Variants in DYNC2I2 observed in about 807,000 individuals in gnomAD.
The protein encoded by DYNC2I2 is cytoplasmic dynein 2 intermediate chain 2.
Under a neutral mutation model 52.0 loss-of-function variants are expected in DYNC2I2, and 39 were observed. That is an observed-to-expected ratio of 0.75 (90% CI 0.58 to 0.98). The LOEUF (loss-of-function observed/expected upper bound fraction) is 0.98. Among genes scored for constraint, DYNC2I2 ranks in the 50% least tolerant of loss-of-function variants. The probability of loss-of-function intolerance (pLI) is 0.00; values close to 1 mark genes in which losing one functional copy is unlikely to be tolerated. For synonymous variants in DYNC2I2, 359 were observed against 321.1 expected (o/e 1.12, Z -1.26); for missense variants, 743 against 728.4 (o/e 1.02, Z -0.23).
chr9:128,637,053 T>G lies in DYNC2I2; in HGVS notation c.436-26A>C, dbSNP rs1190536075. 3 of 1,580,980 alleles carry G rather than the reference T, an allele frequency of 1.9e-6. No homozygotes were observed. In the Admixed American group the frequency reaches 5.1e-5, roughly 27 times the overall value. ...CTGCGGAGACGTCCCCAACCCTGAG[T>G]CCAAAGCCACCAGCAGGGGCCTCAT... On this transcript the variant is annotated intron_variant, in intron 2 of 8. Coordinates refer to ENST00000372715, the MANE Select transcript of DYNC2I2 (RefSeq NM_052844.4).
intron 2 of DYNC2I2, among the ~76,000 whole-genome samples, chr9:128,640,001 C>T (rs910998770): frequency 1.6e-5 from 2 of 127,800 alleles, no homozygotes; most frequent in Admixed American, 9.0e-5. Context: ...GAAGATACCA[C>T]AGGAGACATT....
chr9:128,655,361 A>AAAAAAAAAAAAAG (rs1860798007), intron 1 of DYNC2I2, among the ~76,000 whole-genome samples: 1 of 133,228 alleles, frequency 7.5e-6, no homozygotes, highest in African/African-American at 2.9e-5. Flanking sequence ...AAAAAAAAAA[A>AAAAAAAAAAAAAG]TTAGCCGGGC....
the DYNC2I2 span, among the ~76,000 whole-genome samples, chr9:128,681,693 C>T: frequency 6.6e-6 from 1 of 152,226 alleles, no homozygotes; most frequent in Admixed American, 6.6e-5. Context: ...AGCTGTTGTG[C>T]TTTTGTTTTT....
At chr9:128,646,529 TAGA>T (rs1860620595) in intron 1 of DYNC2I2, among the ~76,000 whole-genome samples, 1 of 152,116 alleles carries the variant, frequency 6.6e-6, no homozygotes, top group South Asian at 2.1e-4. Flanking sequence ...GATGAAACAT[TAGA>T]AGGACATGCC....
At chr9:128,638,220 CAA>C (rs570370161) in intron 2 of DYNC2I2, among the ~76,000 whole-genome samples, 64 of 95,764 alleles carry the variant, frequency 6.7e-4, no homozygotes, top group Non-Finnish European at 5.5e-4. Flanking sequence ...GACCCTGTCT[CAA>C]AAAAAAAAAA....
chr9:128,647,148 A>G (rs1236714643), intron 1 of DYNC2I2, among the ~76,000 whole-genome samples: 1 of 152,160 alleles, frequency 6.6e-6, no homozygotes, highest in Non-Finnish European at 1.5e-5. Context: ...CACAAACAAA[A>G]AACAATAATA....
the DYNC2I2 span, among the ~76,000 whole-genome samples, chr9:128,669,350 G>T: frequency 6.6e-6 from 1 of 151,730 alleles, no homozygotes; most frequent in Non-Finnish European, 1.5e-5. Flanking sequence ...GGGCGACAGA[G>T]CGAGACTCTG....
chr9:128,655,067 TG>T (rs535225689), intron 1 of DYNC2I2, among the ~76,000 whole-genome samples: 197 of 152,018 alleles, frequency 1.3e-3, no homozygotes, highest in African/African-American at 4.5e-3. Context: ...GTGCTCAAGC[TG>T]AAAGTCCGCA....
At position 128,640,734 on chromosome 9, in the gene DYNC2I2, G is replaced by A. The variant is rs766392626; in HGVS notation, c.392C>T (p.Ala131Val). 6.4e-5 allele frequency: 104 copies of A among 1,614,076 alleles called. 1 individual carries two copies. The highest frequency in any genetic ancestry group is 5.3e-4 in the Admixed American group (32 of 60,004). Residue 131 changes from alanine to valine, a missense_variant, in exon 2 of 9, where the codon GCG becomes GTG. By Grantham distance (64) the Ala-to-Val change is moderately conservative (BLOSUM62 0). Coordinates refer to ENST00000372715, the MANE Select transcript of DYNC2I2 (RefSeq NM_052844.4). The part of the protein sequence containing the change: ...RELNKNWQSH[A>V]FDGFEVNWTE... Reference sequence around the variant, plus strand: ...CCAGTTCACCTCGAAGCCATCAAACGCGTGGCTCTGCCAATTCTTGTTCAG... The same window carrying A: ...CCAGTTCACCTCGAAGCCATCAAACACGTGGCTCTGCCAATTCTTGTTCAG...
upstream of DYNC2I2, among the ~76,000 whole-genome samples, chr9:128,659,321 C>A (rs1860890757): frequency 6.6e-6 from 1 of 151,382 alleles, no homozygotes; most frequent in African/African-American, 2.4e-5. Context: ...TGATGAAACC[C>A]CATCTCTACT....
intron 1 of DYNC2I2, among the ~76,000 whole-genome samples, chr9:128,649,562 G>A (rs902724940): frequency 4.6e-5 from 7 of 151,140 alleles, no homozygotes; most frequent in East Asian, 1.9e-4. Context: ...AGTGGGACGC[G>A]CCTGTAATTC....
chr9:128,676,723 C>A, the DYNC2I2 span, among the ~76,000 whole-genome samples: 2 of 151,564 alleles, frequency 1.3e-5, no homozygotes, highest in Non-Finnish European at 2.9e-5. Context: ...AGTAGAGACA[C>A]GGTTTTGCCA....
intron 1 of DYNC2I2, among the ~76,000 whole-genome samples, chr9:128,654,950 A>G (rs1860787669): frequency 6.6e-6 from 1 of 152,054 alleles, no homozygotes; most frequent in Non-Finnish European, 1.5e-5. Flanking sequence ...ATATACTGTT[A>G]ATGTTACAGC....
the DYNC2I2 span, among the ~76,000 whole-genome samples, chr9:128,665,048 T>C: frequency 6.6e-6 from 1 of 151,080 alleles, no homozygotes; most frequent in African/African-American, 2.4e-5. Context: ...TTTTTTCTTT[T>C]TCTTTTTCTT....
the DYNC2I2 span, among the ~76,000 whole-genome samples, chr9:128,672,972 C>T: frequency 6.6e-6 from 1 of 151,940 alleles, no homozygotes; most frequent in Non-Finnish European, 1.5e-5. Flanking sequence ...TGCAGTGAGC[C>T]GAGATTGGGC....
chr9:128,656,174 C>A (rs1860819445), intron 1 of DYNC2I2, among the ~76,000 whole-genome samples: 1 of 151,002 alleles, frequency 6.6e-6, no homozygotes, highest in Non-Finnish European at 1.5e-5. Context: ...CGCACCACTG[C>A]ACTCCAGCCT....
At position 128,635,165 on chromosome 9, in the gene DYNC2I2, AC is replaced by A. The variant is rs772301929; in HGVS notation, c.907del (p.Val303Ter). On this transcript the variant is annotated frameshift_variant, in exon 6 of 9. Transcript: ENST00000372715. LOFTEE classifies it high-confidence loss of function. ...GCCCTCTGTGAGCTGCAGCTGGCCTACCCCGATGCCCTGCCAGAGTAGCACC... is the reference window on the plus strand; with the variant it reads ...GCCCTCTGTGAGCTGCAGCTGGCCTACCCGATGCCCTGCCAGAGTAGCACC... The part of the protein sequence containing the change: ...GKVLLWQGIG[V>X]GQLQLTEGFA... 1.9e-6 allele frequency: 3 copies of A among 1,613,418 alleles called. No homozygotes were observed. The highest frequency in any genetic ancestry group is 2.5e-6 in the Non-Finnish European group (3 of 1,179,988).
upstream of DYNC2I2, among the ~76,000 whole-genome samples, chr9:128,657,224 A>G (rs1318407502): frequency 6.6e-6 from 1 of 152,222 alleles, no homozygotes; most frequent in Non-Finnish European, 1.5e-5. Flanking sequence ...ATGATGATGA[A>G]AAATATTCCT....
chr9:128,656,482 G>A, intron 1 of DYNC2I2, 59 bp downstream of exon 1: 3 of 1,207,758 alleles, frequency 2.5e-6, no homozygotes, highest in Non-Finnish European at 2.1e-6. Context: ...CCGCCCGGCA[G>A]CCGCGCTGCG....
Sources: gnomAD v4.1 joint callset for allele counts (sites outside exome capture counted in the v4.1 genomes callset) on GRCh38, gnomAD v4.1.1 for gene constraint, MANE v1.5 for transcripts, NCBI Gene and HGNC (gene_info 2026-07-23, HGNC 2026-07-21) for gene names.